Variants in EFCAB5 observed in about 807,000 individuals in gnomAD.
EFCAB5 encodes EF-hand calcium binding domain 5, also known as EF-hand calcium-binding domain-containing protein 5.
A neutral mutation model predicts 167.9 loss-of-function variants in EFCAB5; 131 were observed. That is an observed-to-expected ratio of 0.78 (90% confidence interval 0.68 to 0.90). EFCAB5 has a LOEUF of 0.90. Ranked by LOEUF, EFCAB5 falls within the 40% of genes least tolerant of loss-of-function variation. The pLI, the probability that EFCAB5 is intolerant of heterozygous loss-of-function variation, is 0.00. For synonymous variants in EFCAB5, 574 were observed against 602.8 expected, an observed-to-expected ratio of 0.95 and a Z score of 0.70; for missense variants, 1,663 against 1,745.2, an observed-to-expected ratio of 0.95 and a Z score of 0.84.
At chr17:29,976,568 C>A (rs563381413) in intron 4 of EFCAB5, among the ~76,000 whole-genome samples, 4 of 152,226 alleles carry the variant, frequency 2.6e-5, no homozygotes, top group African/African-American at 9.6e-5. Context: ...ATATACCCAG[C>A]AATATTAGTA....
intron 8 of EFCAB5, among the ~76,000 whole-genome samples, chr17:30,049,707 C>G (rs1398195947): frequency 6.6e-6 from 1 of 152,120 alleles, no homozygotes; most frequent in South Asian, 2.1e-4. Flanking sequence ...ATAATAAACT[C>G]TAACAATATC....
chr17:30,084,310 G>A (rs984232700), intron 18 of EFCAB5, among the ~76,000 whole-genome samples: 1 of 152,158 alleles, frequency 6.6e-6, no homozygotes. Flanking sequence ...AAGGGCCCCA[G>A]CTACAATGGC....
chr17:30,028,885 A>G (rs1444776513), intron 7 of EFCAB5, among the ~76,000 whole-genome samples: 1 of 152,132 alleles, frequency 6.6e-6, no homozygotes, highest in Admixed American at 6.5e-5. Context: ...CTTTAAGAAC[A>G]CTAGTCAGAT....
Position 30,003,011 on chromosome 17 carries a change from C to G in EFCAB5, c.1044+3035C>G, listed in dbSNP as rs1420523726. Among the ~76,000 whole-genome samples the G allele has an allele frequency of 6.7e-5, 10 of 149,214 alleles. No homozygotes were observed. In the Admixed American group the frequency reaches 6.8e-4, roughly 10 times the overall value. On this transcript the variant is annotated intron_variant, in intron 7 of 22. Transcript: ENST00000394835. ...TATTTAGTGTTCTGAACTCTGAAGA[C>G]ATGAATGTTAGATCTTTTATTATAA...
intron 3 of EFCAB5, among the ~76,000 whole-genome samples, chr17:29,949,470 C>A (rs1309399192): frequency 6.6e-6 from 1 of 152,196 alleles, no homozygotes; most frequent in East Asian, 1.9e-4. Context: ...CAGTGCCTGG[C>A]ACGCAGTGAG....
intron 10 of EFCAB5, among the ~76,000 whole-genome samples, chr17:30,055,370 AAGG>A (rs1209490720): frequency 1.7e-4 from 25 of 151,152 alleles, no homozygotes; most frequent in Middle Eastern, 3.4e-3. Flanking sequence ...GGAAGGAAGG[AAGG>A]AAGGAAGGAA....
At chr17:30,040,543 C>T (rs981175085) in intron 8 of EFCAB5, among the ~76,000 whole-genome samples, 1 of 152,194 alleles carries the variant, frequency 6.6e-6, no homozygotes, top group Non-Finnish European at 1.5e-5. Flanking sequence ...TCAATTCTTA[C>T]CTCTTTAACA....
chr17:29,959,586 T>G (rs1159992718), intron 3 of EFCAB5, among the ~76,000 whole-genome samples: 1 of 151,920 alleles, frequency 6.6e-6, no homozygotes, highest in Admixed American at 6.5e-5. Flanking sequence ...TTCAAGAGAG[T>G]AGATTCCCTT....
At chr17:30,093,309 G>C (rs530249325) in intron 22 of EFCAB5, among the ~76,000 whole-genome samples, 1 of 152,200 alleles carries the variant, frequency 6.6e-6, no homozygotes, top group Non-Finnish European at 1.5e-5. Context: ...AGAATGGAGA[G>C]CAGCGAGGCT....
At chr17:30,061,746 AT>A (rs1251958943) in intron 14 of EFCAB5, among the ~76,000 whole-genome samples, 2 of 152,014 alleles carry the variant, frequency 1.3e-5, no homozygotes, top group African/African-American at 4.8e-5. Context: ...CTGGCTAATT[AT>A]TTTTAAGACA....
At chr17:30,047,748 T>C (rs938614966) in intron 8 of EFCAB5, among the ~76,000 whole-genome samples, 1 of 152,216 alleles carries the variant, frequency 6.6e-6, no homozygotes, top group African/African-American at 2.4e-5. Flanking sequence ...AAATTATTAC[T>C]GGATCTACTT....
At chr17:29,948,455 C>T (rs141413021) in intron 3 of EFCAB5, among the ~76,000 whole-genome samples, 5 of 152,108 alleles carry the variant, frequency 3.3e-5, no homozygotes, top group Admixed American at 2.0e-4. Flanking sequence ...AAACACAATG[C>T]GGTGTACTTA....
intron 8 of EFCAB5, among the ~76,000 whole-genome samples, chr17:30,038,559 A>G (rs2069685882): frequency 6.6e-6 from 1 of 152,250 alleles, no homozygotes. Flanking sequence ...CCCATGGTCA[A>G]GGAGTCAGTC....
At chr17:30,021,665 C>G (rs2069183672) in intron 7 of EFCAB5, among the ~76,000 whole-genome samples, 1 of 151,786 alleles carries the variant, frequency 6.6e-6, no homozygotes, top group South Asian at 2.1e-4. Flanking sequence ...GAGCTGTTAC[C>G]TGAACAGAAA....
At position 30,092,941 on chromosome 17, in the gene EFCAB5, A is replaced by G. The variant is rs971990287; in HGVS notation, c.4321+5A>G. 2.5e-6 allele frequency: 4 copies of G among 1,593,234 alleles called. No individual in the cohort carries two copies. The highest frequency in any genetic ancestry group is 3.4e-6 in the Non-Finnish European group (4 of 1,168,762). On this transcript the variant is annotated splice_donor_5th_base_variant and intron_variant, in intron 22 of 22. Transcript: ENST00000394835. ...TTATTGATGAATATATCAGAGGTAA[A>G]TTTCCACTTAATTACAGCCTAAATC... is the stretch of plus-strand genomic sequence containing the variant.
Position 29,948,866 on chromosome 17 carries a change from C to A in EFCAB5, c.190+5217C>A, listed in dbSNP as rs192934560. Reference sequence around the variant, plus strand: ...ATTAAGAGTGTTTTGTAGGAAACTGCCTTTTCCTTTATCTATTGAATTTTA... The same window carrying A: ...ATTAAGAGTGTTTTGTAGGAAACTGACTTTTCCTTTATCTATTGAATTTTA... On this transcript the variant is annotated intron_variant, in intron 3 of 22. Coordinates refer to ENST00000394835, the MANE Select transcript of EFCAB5 (RefSeq NM_198529.4). Among the ~76,000 whole-genome samples the A allele has an allele frequency of 7.2e-5, 11 of 152,230 alleles. No homozygotes were observed. In the East Asian group the frequency reaches 1.9e-3, roughly 27 times the overall value.
At chr17:30,081,981 C>G (rs2070996295) in intron 17 of EFCAB5, among the ~76,000 whole-genome samples, 1 of 152,132 alleles carries the variant, frequency 6.6e-6, no homozygotes, top group Non-Finnish European at 1.5e-5. Flanking sequence ...ATATAAAAGG[C>G]ATATAATTTT....
chr17:29,964,748 A>T (rs1306587605), intron 3 of EFCAB5, among the ~76,000 whole-genome samples: 1 of 151,754 alleles, frequency 6.6e-6, no homozygotes, highest in Non-Finnish European at 1.5e-5. Flanking sequence ...CAAAGAACCA[A>T]TTTTTGGTTA....
intron 3 of EFCAB5, among the ~76,000 whole-genome samples, chr17:29,958,338 A>G (rs889214930): frequency 1.1e-4 from 16 of 151,858 alleles, no homozygotes; most frequent in Non-Finnish European, 1.3e-4. Context: ...TCTTTTTTAT[A>G]GTTTTGTCTC....
Sources: gnomAD v4.1 joint callset for allele counts (sites outside exome capture counted in the v4.1 genomes callset) on GRCh38, gnomAD v4.1.1 for gene constraint, MANE v1.5 for transcripts, NCBI Gene and HGNC (gene_info 2026-07-23, HGNC 2026-07-21) for gene names.